CEP104: variants seen among roughly 807,000 people sequenced by gnomAD.
The protein encoded by CEP104 is centrosomal protein of 104 kDa.
Under a neutral mutation model 113.3 loss-of-function variants are expected in CEP104, and 84 were observed. The ratio of observed to expected loss-of-function variants is 0.74; its 90% CI spans 0.62 to 0.89. The LOEUF is 0.89. CEP104 is among the 40% of genes least tolerant of loss of function. The pLI, the probability that CEP104 is intolerant of heterozygous loss-of-function variation, is 0.00. For missense variants in CEP104, 1,053 were observed against 1,156.6 expected, an observed-to-expected ratio of 0.91 and a Z score of 1.30; for synonymous variants, 378 against 421.7, an observed-to-expected ratio of 0.90 and a Z score of 1.27.
intron 10 of CEP104, among the ~76,000 whole-genome samples, chr1:3,835,557 G>A (rs113946478): frequency 0.09 from 13,620 of 152,176 alleles, 624 homozygotes; most frequent in Middle Eastern, 0.11. Flanking sequence ...ATTTTTAGTA[G>A]AGATGGGGTT....
Position 3,837,356 on chromosome 1 carries a change from ATAGT to A in CEP104, c.1051_1054del (p.Thr351PhefsTer8), listed in dbSNP as rs749829859. On this transcript the variant is annotated frameshift_variant, in exon 9 of 22. Transcript: ENST00000378230. LOFTEE classifies it high-confidence loss of function. ...GTCTACTGCAGAATGCTGAGGAGAA[ATAGT>A]TAGAGAATATGATGAAGGCTTTTCC... 13 of 1,614,052 alleles carry A rather than the reference ATAGT, an allele frequency of 8.1e-6. No homozygotes were observed. The highest frequency in any genetic ancestry group is 3.3e-5 in the South Asian group (3 of 91,084).
intron 8 of CEP104, among the ~76,000 whole-genome samples, chr1:3,838,608 C>T (rs776252080): frequency 1.5e-3 from 224 of 152,322 alleles, no homozygotes; most frequent in Admixed American, 4.1e-3. Context: ...GTTAGCATTA[C>T]GTTCTCACTT....
intron 20 of CEP104, 119 bp from the exon 21 acceptor site, chr1:3,816,489 C>T (rs556241479): frequency 1.6e-5 from 11 of 699,798 alleles, no homozygotes; most frequent in African/African-American, 3.6e-5. Context: ...CAGCAAGAGC[C>T]GCAGAAGAAC....
chr1:3,830,552 T>C (rs1570794334), intron 13 of CEP104, among the ~76,000 whole-genome samples: 1 of 151,952 alleles, frequency 6.6e-6, no homozygotes, highest in South Asian at 2.1e-4. Flanking sequence ...GGCGGGCGGA[T>C]CACGAGGTCA....
chr1:3,851,765 T>C (rs1352217050), intron 2 of CEP104, among the ~76,000 whole-genome samples: 1 of 152,230 alleles, frequency 6.6e-6, no homozygotes, highest in Non-Finnish European at 1.5e-5. Flanking sequence ...TCCTCCTGTC[T>C]CAGCATCCTG....
intron 21 of CEP104, among the ~76,000 whole-genome samples, chr1:3,815,862 T>C (rs1384842259): frequency 6.6e-6 from 1 of 152,044 alleles, no homozygotes; most frequent in Non-Finnish European, 1.5e-5. Flanking sequence ...CAATTTTTTA[T>C]AGGGTTTCAC....
chr1:3,853,290 G>C (rs1355223156), intron 1 of CEP104, among the ~76,000 whole-genome samples: 1 of 152,162 alleles, frequency 6.6e-6, no homozygotes, highest in East Asian at 1.9e-4. Context: ...TTGAGGGACT[G>C]ACTCACAGGA....
intron 20 of CEP104, among the ~76,000 whole-genome samples, chr1:3,820,324 A>C (rs1270631838): frequency 1.3e-5 from 2 of 152,236 alleles, no homozygotes; most frequent in African/African-American, 2.4e-5. Flanking sequence ...CGGGAGGACA[A>C]GTAAAGGTAA....
At chr1:3,847,282 G>A (rs540907777) in intron 4 of CEP104, among the ~76,000 whole-genome samples, 193 bp downstream of exon 4, 10 of 152,336 alleles carry the variant, frequency 6.6e-5, no homozygotes, top group African/African-American at 1.4e-4. Flanking sequence ...AGGCCAGTTC[G>A]TGGTGGGCAC....
At position 3,826,868 on chromosome 1, in the gene CEP104, C is replaced by T. The variant is rs527352765; in HGVS notation, c.2152-124G>A. 1.2e-4 allele frequency: 116 copies of T among 936,014 alleles called. No individual in the cohort carries two copies. In the African/African-American group the frequency reaches 4.4e-3, roughly 36 times the overall value. 58.0% of individuals were successfully genotyped at this position (936,014 alleles called of 1,614,324 possible). A position where few individuals can be genotyped will look rare whatever the true frequency, so the allele number is the denominator to read the frequency against. Reference sequence around the variant, plus strand: ...GGTTTTGTTTTAGAATTTCTACTGGCTGGCAAGGTGGCTCATGCCCGTAAT... The same window carrying T: ...GGTTTTGTTTTAGAATTTCTACTGGTTGGCAAGGTGGCTCATGCCCGTAAT... On this transcript the variant is annotated intron_variant, in intron 15 of 21. Coordinates refer to ENST00000378230, the MANE Select transcript of CEP104 (RefSeq NM_014704.4).
Position 3,854,201 on chromosome 1 carries a change from C to G in CEP104, c.-14-1780G>C, listed in dbSNP as rs201414630. Among the ~76,000 whole-genome samples the G allele has an allele frequency of 2.6e-5, 4 of 152,116 alleles. No homozygotes were observed. The East Asian group carries it at 7.7e-4, about 29-fold the overall frequency. ...CTTCCTTCTGATCCCACTGTCTTTTCTAGACAGCAACCACCTGGTGTCCCC... is the reference window on the plus strand; with the variant it reads ...CTTCCTTCTGATCCCACTGTCTTTTGTAGACAGCAACCACCTGGTGTCCCC... On this transcript the variant is annotated intron_variant, in intron 1 of 21. Coordinates refer to ENST00000378230, the MANE Select transcript of CEP104 (RefSeq NM_014704.4).
chr1:3,817,334 T>C (rs1643895203), intron 20 of CEP104, among the ~76,000 whole-genome samples: 1 of 152,172 alleles, frequency 6.6e-6, no homozygotes, highest in South Asian at 2.1e-4. Context: ...AGGGTGAGAC[T>C]CCATCTCAAA....
rs1570813990 is a variant in CEP104 at position 3,837,524 on chromosome 1, A to G, written c.892-5T>C. 1 of 1,613,138 alleles carries G rather than the reference A, an allele frequency of 6.2e-7. No homozygotes were observed. Among genetic ancestry groups the G allele is most frequent in the African/African-American group, 1.3e-5 (1 of 75,008 alleles). ...CAAATCAAAAGGTCTTCGCATCTAG[A>G]GAACAAAAAGGAACATTTAATTTCA... On this transcript the variant is annotated splice_region_variant and splice_polypyrimidine_tract_variant and intron_variant, in intron 8 of 21. Transcript: ENST00000378230.
intron 18 of CEP104, among the ~76,000 whole-genome samples, chr1:3,825,171 A>G (rs1644066228): frequency 6.6e-6 from 1 of 151,844 alleles, no homozygotes; most frequent in African/African-American, 2.4e-5. Flanking sequence ...GGAAGGGGGC[A>G]GTGCCTGTGC....
intron 2 of CEP104, among the ~76,000 whole-genome samples, chr1:3,849,891 A>C (rs79717461): frequency 0.021 from 3,216 of 152,244 alleles, 73 homozygotes; most frequent in East Asian, 0.1. Flanking sequence ...CAAAGCTTTG[A>C]AGTTGTATAC....
intron 15 of CEP104, among the ~76,000 whole-genome samples, chr1:3,827,835 C>G (rs1322006379): frequency 6.6e-6 from 1 of 152,242 alleles, no homozygotes; most frequent in Non-Finnish European, 1.5e-5. Flanking sequence ...GGTCTTTCTC[C>G]CTCGTCTGCT....
intron 1 of CEP104, among the ~76,000 whole-genome samples, chr1:3,854,141 C>T (rs1311982571): frequency 6.6e-6 from 1 of 152,126 alleles, no homozygotes; most frequent in Admixed American, 6.5e-5. Context: ...ACCCACTCCC[C>T]ATCCAACAGT....
intron 1 of CEP104, among the ~76,000 whole-genome samples, chr1:3,855,132 A>C (rs1205504003): frequency 6.7e-6 from 1 of 149,048 alleles, no homozygotes; most frequent in East Asian, 2.0e-4. Context: ...TCAGCCTCCC[A>C]AAGTGTTGGG....
Position 3,814,071 on chromosome 1 carries a change from A to C in CEP104, c.*1331T>G, listed in dbSNP as rs1258722591. On this transcript the variant is annotated 3_prime_UTR_variant, in exon 22 of 22. Coordinates refer to ENST00000378230, the MANE Select transcript of CEP104 (RefSeq NM_014704.4). ...TTGTTGTTTCACACGGTTGGCAATTAAAACATATTTATACACTAATTGCAT... is the reference window on the plus strand; with the variant it reads ...TTGTTGTTTCACACGGTTGGCAATTCAAACATATTTATACACTAATTGCAT... 6.6e-6 allele frequency: 1 copy of C among 152,236 alleles called. No homozygotes were observed. Among genetic ancestry groups the C allele is most frequent in the Non-Finnish European group, 1.5e-5 (1 of 68,040 alleles). The allele number at this position is 152,236 out of a possible 1,614,324, so 9.4% of individuals were successfully genotyped here.
Sources: allele counts gnomAD v4.1 joint callset (sites outside exome capture counted in the v4.1 genomes callset), GRCh38; gene constraint gnomAD v4.1.1; transcripts MANE v1.5; gene names NCBI Gene and HGNC (gene_info 2026-07-23, HGNC 2026-07-21).